Variants in KAZN observed in about 807,000 individuals in gnomAD.
KAZN encodes the protein kazrin, periplakin interacting protein.
Under a neutral mutation model 87.4 loss-of-function variants are expected in KAZN, and 40 were observed. The ratio of observed to expected loss-of-function variants is 0.46; its 90% CI spans 0.36 to 0.60. The LOEUF (loss-of-function observed/expected upper bound fraction) is 0.60, where lower values mean the gene tolerates loss of function less well. Among genes scored for constraint, KAZN ranks in the 20% least tolerant of loss-of-function variants. KAZN has a pLI of 0.00. For synonymous variants in KAZN, 466 were observed against 458.3 expected, an observed-to-expected ratio of 1.02 and a Z score of -0.22; for missense variants, 898 against 1,073.9, an observed-to-expected ratio of 0.84 and a Z score of 2.29.
At chr1:14,034,130 TG>T (rs1307838195) in intron 1 of KAZN, among the ~76,000 whole-genome samples, 32 of 152,226 alleles carry the variant, frequency 2.1e-4, no homozygotes, top group African/African-American at 7.5e-4. Flanking sequence ...AATAGATAAA[TG>T]TTCCTTTTTA....
At chr1:13,901,273 A>G (rs985813818) in intron 1 of KAZN, among the ~76,000 whole-genome samples, 1 of 152,224 alleles carries the variant, frequency 6.6e-6, no homozygotes, top group African/African-American at 2.4e-5. Flanking sequence ...CTTTGTTTGC[A>G]TGTTAAATCA....
intron 1 of KAZN, among the ~76,000 whole-genome samples, chr1:14,158,451 A>AT (rs1303586390): frequency 6.6e-6 from 1 of 151,976 alleles, no homozygotes; most frequent in Non-Finnish European, 1.5e-5. Flanking sequence ...TTTCTGCTTG[A>AT]TTTTTTAAGA....
chr1:14,585,539 A>G (rs752911608), intron 2 of KAZN, among the ~76,000 whole-genome samples: 2 of 152,176 alleles, frequency 1.3e-5, no homozygotes, highest in Non-Finnish European at 2.9e-5. Context: ...CAAGCCAAAG[A>G]GTGTGAACAC....
chr1:14,019,129 C>T (rs1640707405), intron 1 of KAZN, among the ~76,000 whole-genome samples: 1 of 152,206 alleles, frequency 6.6e-6, no homozygotes, highest in South Asian at 2.1e-4. Flanking sequence ...AAACTTAATT[C>T]TTCCTTGCAG....
chr1:14,419,209 G>A (rs955711910), intron 2 of KAZN, among the ~76,000 whole-genome samples: 4 of 152,170 alleles, frequency 2.6e-5, no homozygotes, highest in African/African-American at 9.7e-5. Flanking sequence ...GACGCTGTGA[G>A]GACACTGTTC....
At chr1:13,971,797 C>A (rs566219996) in intron 1 of KAZN, among the ~76,000 whole-genome samples, 1 of 152,264 alleles carries the variant, frequency 6.6e-6, no homozygotes, top group Middle Eastern at 3.4e-3. Flanking sequence ...TTGGTACTGT[C>A]CTCATGATAG....
chr1:14,288,912 T>G (rs1653465943), intron 2 of KAZN, among the ~76,000 whole-genome samples: 1 of 152,260 alleles, frequency 6.6e-6, no homozygotes. Context: ...AAAGAACGTC[T>G]TTATTTCTGC....
intron 1 of KAZN, among the ~76,000 whole-genome samples, chr1:13,912,154 G>A (rs1029149690): frequency 6.6e-6 from 1 of 152,210 alleles, no homozygotes; most frequent in Non-Finnish European, 1.5e-5. Flanking sequence ...CAGCTTCCCA[G>A]CCGAGCACTG....
chr1:14,581,315 T>C (rs1675532748), intron 2 of KAZN, among the ~76,000 whole-genome samples: 1 of 152,138 alleles, frequency 6.6e-6, no homozygotes. Flanking sequence ...GTCATCCTTT[T>C]CTCCTCTTTC....
At chr1:14,754,158 G>A (rs1346169437) in intron 1 of KAZN, among the ~76,000 whole-genome samples, 1 of 152,230 alleles carries the variant, frequency 6.6e-6, no homozygotes, top group Non-Finnish European at 1.5e-5. Context: ...AGTGCTAAGA[G>A]TTGGGTGGGT....
intron 2 of KAZN, among the ~76,000 whole-genome samples, chr1:14,430,880 A>G (rs1165191853): frequency 6.6e-6 from 1 of 152,232 alleles, no homozygotes; most frequent in Non-Finnish European, 1.5e-5. Flanking sequence ...GGCTGGAATG[A>G]GCAAGAGGCT....
rs775658003 is a variant in KAZN, at chr1:15,110,509, G to GTA, written c.2049-1917_2049-1916insAT. On this transcript the variant is annotated intron_variant, in intron 13 of 14. Transcript: ENST00000376030. ...TGTGTGTATGTATGTGTGTGTATTT[G>GTA]TGTGTTTGTGTGTATGTGTTTGTGT... 6.1e-3 allele frequency among the ~76,000 whole-genome samples: 495 copies of GTA among 81,382 alleles called. 5 individuals carry two copies. Among genetic ancestry groups the GTA allele is most frequent in the African/African-American group, 0.026 (447 of 16,934 alleles). The allele number at this position is 81,382 out of a possible 152,430, so 53.4% of individuals were successfully genotyped here. A position where few individuals can be genotyped will look rare whatever the true frequency, so the allele number is the denominator to read the frequency against.
intron 1 of KAZN, among the ~76,000 whole-genome samples, chr1:13,981,090 T>TAC (rs1638651981): frequency 1.0e-5 from 1 of 100,080 alleles, no homozygotes; most frequent in Non-Finnish European, 1.9e-5. Flanking sequence ...AATTACTCTT[T>TAC]ATATATATAT....
At chr1:14,964,798 C>T (rs1482348001) in intron 2 of KAZN, among the ~76,000 whole-genome samples, 4 of 152,152 alleles carry the variant, frequency 2.6e-5, no homozygotes, top group Non-Finnish European at 4.4e-5. Flanking sequence ...TTGAATGAGA[C>T]CCGAAATTTC....
At chr1:14,050,839 C>A (rs1187152909) in intron 1 of KAZN, among the ~76,000 whole-genome samples, 1 of 152,202 alleles carries the variant, frequency 6.6e-6, no homozygotes, top group Non-Finnish European at 1.5e-5. Context: ...GAGCCAGGCC[C>A]ACTGCCGCAT....
chr1:14,447,930 C>T (rs1236368559), intron 2 of KAZN, among the ~76,000 whole-genome samples: 1 of 152,216 alleles, frequency 6.6e-6, no homozygotes, highest in African/African-American at 2.4e-5. Flanking sequence ...GTCACCACCA[C>T]ATTATAACCT....
At chr1:14,665,932 C>CAAA (rs60081619) in intron 1 of KAZN, among the ~76,000 whole-genome samples, 12,294 of 107,776 alleles carry the variant, frequency 0.11, 871 homozygotes, top group African/African-American at 0.19. Context: ...AAGCTTTGCT[C>CAAA]AAAAAAAAAA....
intron 7 of KAZN, among the ~76,000 whole-genome samples, chr1:15,064,869 C>T (rs1002006346): frequency 3.3e-5 from 5 of 152,166 alleles, no homozygotes; most frequent in African/African-American, 1.2e-4. Context: ...AGGCAGTGGC[C>T]GAGTGCATGG....
At chr1:14,486,663 C>T (rs1038110112) in intron 2 of KAZN, among the ~76,000 whole-genome samples, 1 of 152,150 alleles carries the variant, frequency 6.6e-6, no homozygotes, top group Non-Finnish European at 1.5e-5. Flanking sequence ...ATAGACTCAG[C>T]AGATAGACAT....
Sources: gnomAD v4.1 joint callset for allele counts (sites outside exome capture counted in the v4.1 genomes callset) on GRCh38, gnomAD v4.1.1 for gene constraint, MANE v1.5 for transcripts, NCBI Gene and HGNC (gene_info 2026-07-23, HGNC 2026-07-21) for gene names.